The following ATRNL1 variants were observed in gnomAD, a reference collection of about 807,000 sequenced individuals.
ATRNL1 encodes attractin-like protein 1.
A neutral mutation model predicts 182.7 loss-of-function variants in ATRNL1; 95 were observed. That is an observed-to-expected ratio of 0.52 (90% CI 0.44 to 0.62). The LOEUF (loss-of-function observed/expected upper bound fraction) is 0.62. ATRNL1 is among the 20% of genes least tolerant of loss of function. ATRNL1 has a pLI of 0.00. For missense variants in ATRNL1, 1,471 were observed against 1,679.5 expected, an observed-to-expected ratio of 0.88 and a Z score of 2.17; for synonymous variants, 576 against 568.3, an observed-to-expected ratio of 1.01 and a Z score of -0.19.
intron 27 of ATRNL1, among the ~76,000 whole-genome samples, chr10:115,754,103 T>C (rs1948521565): frequency 6.6e-6 from 1 of 152,328 alleles, no homozygotes; most frequent in Admixed American, 6.5e-5. Context: ...TTGCAGAAAT[T>C]TTCTCCCATT....
chr10:115,189,618 T>A (rs903573057), intron 8 of ATRNL1, among the ~76,000 whole-genome samples: 9 of 151,960 alleles, frequency 5.9e-5, no homozygotes, highest in South Asian at 2.1e-4. Context: ...AAGGAAAAAA[T>A]TTTTATAGCT....
chr10:115,168,927 T>A lies in ATRNL1; in HGVS notation c.1093-2110T>A, dbSNP rs185747862. On this transcript the variant is annotated intron_variant, in intron 7 of 28. Transcript: ENST00000355044. The stretch of plus-strand genomic sequence containing the variant: ...ACTTAACCCAATTTTTTTTTTCTTT[T>A]AAGAGTTTTATAGTTTTGATTCTTG... Among the ~76,000 whole-genome samples, 12 of 151,884 alleles carry A rather than the reference T, an allele frequency of 7.9e-5. No individual in the cohort carries two copies. The East Asian group carries it at 2.3e-3, about 29-fold the overall frequency.
intron 27 of ATRNL1, among the ~76,000 whole-genome samples, chr10:115,772,831 G>A (rs1434287253): frequency 6.6e-6 from 1 of 152,102 alleles, no homozygotes; most frequent in Non-Finnish European, 1.5e-5. Context: ...ATTTTTGCAG[G>A]CTAAATCAGA....
chr10:115,694,465 A>G (rs1257532169), intron 26 of ATRNL1, among the ~76,000 whole-genome samples: 1 of 152,128 alleles, frequency 6.6e-6, no homozygotes, highest in African/African-American at 2.4e-5. Context: ...TTAAAGTAAA[A>G]TTCAGGTAGC....
chr10:115,522,136 T>C (rs1850967106), intron 25 of ATRNL1, among the ~76,000 whole-genome samples: 1 of 152,188 alleles, frequency 6.6e-6, no homozygotes, highest in Non-Finnish European at 1.5e-5. Context: ...GTTCTTAATG[T>C]TTTATGCCAT....
chr10:115,392,287 A>G (rs1292482607), intron 19 of ATRNL1, among the ~76,000 whole-genome samples: 1 of 152,120 alleles, frequency 6.6e-6, no homozygotes, highest in Non-Finnish European at 1.5e-5. Context: ...CATAGAGTAT[A>G]ATCAAAATAC....
At chr10:115,667,059 G>A (rs1861040521) in intron 26 of ATRNL1, among the ~76,000 whole-genome samples, 1 of 152,088 alleles carries the variant, frequency 6.6e-6, no homozygotes. Flanking sequence ...CATTTTGGTA[G>A]TGTACCAGGT....
intron 13 of ATRNL1, among the ~76,000 whole-genome samples, chr10:115,270,294 TATATATTTGTTTATATATTATATATAA>T (rs1554912428): frequency 6.9e-6 from 1 of 144,534 alleles, no homozygotes; most frequent in Admixed American, 7.0e-5. Context: ...AACATTTGTT[TATATATTTGTTTATATATTATATATAA>T]ATATATTTGT....
At chr10:115,219,228 T>C (rs868984476) in intron 9 of ATRNL1, among the ~76,000 whole-genome samples, 11 of 130,550 alleles carry the variant, frequency 8.4e-5, no homozygotes, top group Non-Finnish European at 1.6e-4. Flanking sequence ...TGAGACTCCA[T>C]CTCAAAAAAA....
At chr10:115,422,294 C>A (rs1554962064) in intron 20 of ATRNL1, among the ~76,000 whole-genome samples, 3 of 152,110 alleles carry the variant, frequency 2.0e-5, no homozygotes, top group African/African-American at 7.2e-5. Context: ...AACTATGCAT[C>A]CCACAAGGAT....
chr10:115,693,713 C>A (rs1946464722), intron 26 of ATRNL1, among the ~76,000 whole-genome samples: 1 of 151,950 alleles, frequency 6.6e-6, no homozygotes, highest in Admixed American at 6.6e-5. Context: ...GTACCGAATG[C>A]TGTAAACAAC....
intron 28 of ATRNL1, among the ~76,000 whole-genome samples, chr10:115,873,184 T>C (rs1951624192): frequency 6.6e-6 from 1 of 152,198 alleles, no homozygotes; most frequent in African/African-American, 2.4e-5. Flanking sequence ...ATATAACTTC[T>C]ACCTGTACTG....
chr10:115,559,365 A>G lies in ATRNL1; in HGVS notation c.3795+9829A>G, dbSNP rs149782976. Among the ~76,000 whole-genome samples the G allele has an allele frequency of 3.4e-3, 506 of 148,666 alleles. 3 individuals are homozygous for G. Among genetic ancestry groups the G allele is most frequent in the African/African-American group, 0.012 (492 of 40,452 alleles). ...AGATCTTGTTTTCTAATATTAGAGA[A>G]CTCTTTCCAGTGGTTCCTCCATTCC... On this transcript the variant is annotated intron_variant, in intron 26 of 28. Coordinates refer to ENST00000355044, the MANE Select transcript of ATRNL1 (RefSeq NM_207303.4).
At chr10:115,646,198 A>T (rs1859605206) in intron 26 of ATRNL1, among the ~76,000 whole-genome samples, 1 of 152,110 alleles carries the variant, frequency 6.6e-6, no homozygotes, top group African/African-American at 2.4e-5. Context: ...CTTTATTCTA[A>T]TATTCGTTTA....
intron 5 of ATRNL1, among the ~76,000 whole-genome samples, chr10:115,152,657 C>T (rs1315385624): frequency 6.6e-6 from 1 of 152,180 alleles, no homozygotes; most frequent in Admixed American, 6.5e-5. Context: ...ATGTCATCTG[C>T]AAACAGGGAC....
At chr10:115,110,737 A>T (rs775660130) in intron 1 of ATRNL1, among the ~76,000 whole-genome samples, 1 of 152,242 alleles carries the variant, frequency 6.6e-6, no homozygotes, top group Non-Finnish European at 1.5e-5. Flanking sequence ...AATTTCAATG[A>T]TACTGAGTTA....
At chr10:115,171,976 C>G (rs1263869584) in intron 8 of ATRNL1, among the ~76,000 whole-genome samples, 2 of 152,026 alleles carry the variant, frequency 1.3e-5, no homozygotes, top group African/African-American at 4.8e-5. Flanking sequence ...TAATTCTTTT[C>G]TGGCTCTGGC....
chr10:115,823,760 G>C (rs1950358888), intron 27 of ATRNL1, among the ~76,000 whole-genome samples: 1 of 152,250 alleles, frequency 6.6e-6, no homozygotes, highest in South Asian at 2.1e-4. Context: ...ACAAACCACT[G>C]CTCAAGGAAA....
At chr10:115,632,921 C>T (rs569716763) in intron 26 of ATRNL1, among the ~76,000 whole-genome samples, 1 of 81,918 alleles carries the variant, frequency 1.2e-5, no homozygotes, top group Admixed American at 1.8e-4. Context: ...GAGACAGAGT[C>T]TCACTCTGTC....
Sources: gnomAD v4.1 joint callset for allele counts (sites outside exome capture counted in the v4.1 genomes callset) on GRCh38, gnomAD v4.1.1 for gene constraint, MANE v1.5 for transcripts, NCBI Gene and HGNC (gene_info 2026-07-23, HGNC 2026-07-21) for gene names.